TRIP12: variants seen among roughly 807,000 people sequenced by gnomAD.
The protein encoded by TRIP12 is E3 ubiquitin-protein ligase TRIP12.
In TRIP12, 25 loss-of-function variants were observed where a neutral mutation model predicts 244.2. The observed-to-expected ratio is 0.10, with a 90% CI of 0.07 to 0.14. The LOEUF (loss-of-function observed/expected upper bound fraction) is 0.14. Ranked by LOEUF, TRIP12 falls within the 10% of genes least tolerant of loss-of-function variation. The probability of loss-of-function intolerance (pLI) is 1.00; values close to 1 mark genes in which losing one functional copy is unlikely to be tolerated. For missense variants in TRIP12, 1,677 were observed against 2,486.4 expected (o/e 0.67, Z 6.92); for synonymous variants, 905 against 873.1 (o/e 1.04, Z -0.64).
intron 2 of TRIP12, 104 bp from the exon 3 acceptor site, chr2:229,860,635 C>A: frequency 1.9e-6 from 2 of 1,040,508 alleles, no homozygotes; most frequent in Non-Finnish European, 2.6e-6. Flanking sequence ...TCCCACAATT[C>A]ATTGTTGACC....
chr2:229,769,375 A>G (rs375066163), intron 39 of TRIP12, 50 bp from the exon 40 acceptor site: 1 of 1,576,388 alleles, frequency 6.3e-7, no homozygotes, highest in South Asian at 1.1e-5. Context: ...ACATTTGTTT[A>G]CGTGAGTGAA....
intron 1 of TRIP12, among the ~76,000 whole-genome samples, chr2:229,885,813 G>A (rs1023892964): frequency 2.2e-4 from 33 of 152,016 alleles, no homozygotes; most frequent in African/African-American, 7.7e-4. Context: ...GCTCTGTATC[G>A]CCCACCTAGG....
Position 229,827,526 on chromosome 2 carries a change from G to A in TRIP12, c.1450+1667C>T, listed in dbSNP as rs545646255. ...TTTTAAAACACTCAGACACAAACAC[G>A]AACATTAACCTAGGCCTGCACGGGA... On this transcript the variant is annotated intron_variant, in intron 8 of 41. Coordinates refer to ENST00000675903, the MANE Select transcript of TRIP12 (RefSeq NM_001348323.3). 3.3e-5 allele frequency among the ~76,000 whole-genome samples: 5 copies of A among 151,712 alleles called. No individual in the cohort carries two copies. In the South Asian group the frequency reaches 6.3e-4, roughly 19 times the overall value.
intron 34 of TRIP12, among the ~76,000 whole-genome samples, chr2:229,782,997 T>A: frequency 6.6e-6 from 1 of 152,166 alleles, no homozygotes; most frequent in Non-Finnish European, 1.5e-5. Flanking sequence ...TAAAAGTATC[T>A]GAAAAGAAAG....
intron 1 of TRIP12, 85 bp from the exon 2 acceptor site, chr2:229,880,213 G>A: frequency 1.2e-6 from 1 of 806,624 alleles, no homozygotes; most frequent in Non-Finnish European, 1.9e-6. Flanking sequence ...CGGTGACATG[G>A]AAATTTTCTG....
intron 7 of TRIP12, among the ~76,000 whole-genome samples, chr2:229,830,162 A>C (rs1001535740): frequency 2.0e-5 from 3 of 152,256 alleles, no homozygotes; most frequent in Non-Finnish European, 4.4e-5. Flanking sequence ...AAGCATTTGT[A>C]ACATTAAAAA....
At chr2:229,776,101 G>C (rs888097990) in intron 37 of TRIP12, among the ~76,000 whole-genome samples, 2 of 152,140 alleles carry the variant, frequency 1.3e-5, no homozygotes, top group Non-Finnish European at 2.9e-5. Flanking sequence ...GTGTTCTCTA[G>C]GTGTGTGACC....
intron 8 of TRIP12, among the ~76,000 whole-genome samples, chr2:229,821,913 G>A (rs953382677): frequency 6.6e-6 from 1 of 152,160 alleles, no homozygotes. Context: ...GCCAAGATGG[G>A]CGGATCACCT....
intron 18 of TRIP12, among the ~76,000 whole-genome samples, chr2:229,805,246 C>CAACAACAACAACAAA (rs770905482): frequency 2.6e-5 from 4 of 151,900 alleles, no homozygotes; most frequent in African/African-American, 7.3e-5. Context: ...ACAACAACAA[C>CAACAACAACAACAAA]AAAAATATTT....
chr2:229,796,650 C>T lies in TRIP12; in HGVS notation c.3757G>A (p.Asp1253Asn), dbSNP rs1186158245. The T allele has an allele frequency of 1.1e-5, 17 of 1,612,242 alleles. No homozygotes were observed. Among genetic ancestry groups the T allele is most frequent in the East Asian group, 2.2e-5 (1 of 44,830 alleles). ...LLYLTSKSEK[D>N]AVSREIRLKR... ...AATCTGATCTCTCTGCTCACAGCAT[C>T]CTTTTCACTTTTAGATGTCAAATAA... Residue 1253 changes from aspartate (D) to asparagine (N), a missense_variant, in exon 25 of 42, where the codon GAT (aspartate) becomes AAT (asparagine). Physicochemically the swap from Asp to Asn is conservative, Grantham distance 23. Coordinates refer to ENST00000675903, the MANE Select transcript of TRIP12 (RefSeq NM_001348323.3).
intron 1 of TRIP12, among the ~76,000 whole-genome samples, chr2:229,889,298 T>C (rs2066787087): frequency 6.6e-6 from 1 of 152,196 alleles, no homozygotes; most frequent in Admixed American, 6.5e-5. Context: ...CAAAAATCTA[T>C]TTTGTAGAAC....
At chr2:229,915,750 G>A (rs950774449) in intron 1 of TRIP12, among the ~76,000 whole-genome samples, 1 of 152,026 alleles carries the variant, frequency 6.6e-6, no homozygotes, top group African/African-American at 2.4e-5. Flanking sequence ...CTGGAGTGCA[G>A]TGGCACAATT....
At chr2:229,902,374 C>T (rs115650231) in intron 1 of TRIP12, among the ~76,000 whole-genome samples, 1,575 of 152,120 alleles carry the variant, frequency 0.01, 22 homozygotes, top group African/African-American at 0.036. Context: ...AGCGAGACTT[C>T]GTCCTCCCCC....
intron 4 of TRIP12, among the ~76,000 whole-genome samples, chr2:229,856,173 G>A (rs1012651019): frequency 6.6e-6 from 1 of 152,090 alleles, no homozygotes; most frequent in African/African-American, 2.4e-5. Flanking sequence ...CAACAGCTTA[G>A]GCTACGATGA....
At chr2:229,837,461 C>G (rs917470448) in intron 5 of TRIP12, among the ~76,000 whole-genome samples, 1 of 152,014 alleles carries the variant, frequency 6.6e-6, no homozygotes, top group Admixed American at 6.6e-5. Flanking sequence ...ATGATGAAAC[C>G]CTGTCTCTAC....
chr2:229,829,565 T>A (rs1471976434), intron 7 of TRIP12, among the ~76,000 whole-genome samples: 1 of 152,230 alleles, frequency 6.6e-6, no homozygotes, highest in African/African-American at 2.4e-5. Flanking sequence ...GTTTTCTGTA[T>A]GACATTATTT....
chr2:229,787,683 G>A (rs1000444540), intron 32 of TRIP12, 22 bp from the exon 33 acceptor site: 20 of 1,555,866 alleles, frequency 1.3e-5, no homozygotes, highest in Non-Finnish European at 1.7e-5. Context: ...TGCAATGTAA[G>A]TTTATTATCT....
At chr2:229,881,711 G>A (rs2154354939) in intron 1 of TRIP12, among the ~76,000 whole-genome samples, 2 of 152,232 alleles carry the variant, frequency 1.3e-5, no homozygotes, top group Middle Eastern at 3.4e-3. Flanking sequence ...GGCAGAGAGA[G>A]AAGAAAAGGT....
intron 21 of TRIP12, among the ~76,000 whole-genome samples, chr2:229,800,156 G>C (rs2043903894): frequency 6.6e-6 from 1 of 152,150 alleles, no homozygotes; most frequent in Non-Finnish European, 1.5e-5. Flanking sequence ...ATACTCATCT[G>C]CCTCTAACAT....
Sources: gnomAD v4.1 joint callset for allele counts (sites outside exome capture counted in the v4.1 genomes callset) on GRCh38, gnomAD v4.1.1 for gene constraint, MANE v1.5 for transcripts, NCBI Gene and HGNC (gene_info 2026-07-23, HGNC 2026-07-21) for gene names.